Variants in ADARB1 observed in about 807,000 individuals in gnomAD.
ADARB1 encodes adenosine deaminase RNA specific B1.
Under a neutral mutation model 52.4 loss-of-function variants are expected in ADARB1, and 10 were observed. The ratio of observed to expected loss-of-function variants is 0.19; its 90% CI spans 0.12 to 0.32. The LOEUF (loss-of-function observed/expected upper bound fraction) is 0.32. Ranked by LOEUF, ADARB1 falls within the 10% of genes least tolerant of loss-of-function variation. ADARB1 has a pLI of 1.00. For synonymous variants in ADARB1, 349 were observed against 371.1 expected, an observed-to-expected ratio of 0.94 and a Z score of 0.68; for missense variants, 643 against 922.3, an observed-to-expected ratio of 0.70 and a Z score of 3.92.
At chr21:45,123,136 T>C (rs1046041391) in intron 1 of ADARB1, among the ~76,000 whole-genome samples, 1 of 152,160 alleles carries the variant, frequency 6.6e-6, no homozygotes, top group Non-Finnish European at 1.5e-5. Context: ...TGGACACATA[T>C]ATAAGAGAAT....
intron 2 of ADARB1, among the ~76,000 whole-genome samples, chr21:45,136,771 C>T (rs1229964877): frequency 6.6e-6 from 1 of 152,230 alleles, no homozygotes; most frequent in Non-Finnish European, 1.5e-5. Context: ...GGGAGAATCC[C>T]GCCCCCAGCT....
chr21:45,128,675 A>G lies in ADARB1; in HGVS notation c.-48+102A>G, dbSNP rs1056429987. ...AAGCCTTTTGGCTTGCCTTTGAAAG[A>G]TGCTTTATTGAATACTTCCCGGCAC... On this transcript the variant is annotated intron_variant, in intron 2 of 10. Transcript: ENST00000348831. The surrounding 1 kb of genome is among the most constrained non-coding windows in gnomAD (Gnocchi z 4.6). The G allele has an allele frequency of 6.6e-6, 1 of 152,258 alleles. No individual in the cohort carries two copies. The highest frequency in any genetic ancestry group is 2.4e-5 in the African/African-American group (1 of 41,456). The allele number at this position is 152,258 out of a possible 1,614,324, so 9.4% of individuals were successfully genotyped here. A position where few individuals can be genotyped will look rare whatever the true frequency, so the allele number is the denominator to read the frequency against.
intron 1 of ADARB1, among the ~76,000 whole-genome samples, chr21:45,095,305 C>T (rs563562691): frequency 3.9e-5 from 6 of 152,256 alleles, no homozygotes; most frequent in Non-Finnish European, 8.8e-5. Flanking sequence ...CGGCCTTTGC[C>T]GTGAGCTCTG....
chr21:45,094,010 C>T (rs1483287150), intron 1 of ADARB1, among the ~76,000 whole-genome samples: 1 of 152,136 alleles, frequency 6.6e-6, no homozygotes, highest in Non-Finnish European at 1.5e-5. Flanking sequence ...AATTATTTGT[C>T]TGCCCATCCT....
At chr21:45,116,655 CA>C (rs1470329265) in intron 1 of ADARB1, among the ~76,000 whole-genome samples, 10 of 152,190 alleles carry the variant, frequency 6.6e-5, no homozygotes, top group Non-Finnish European at 1.5e-4. Flanking sequence ...GAAGGGGAAG[CA>C]AACACATCAT....
Position 45,222,972 on chromosome 21 carries a change from C to T in ADARB1, c.*775C>T. The T allele has an allele frequency of 1.0e-6, 1 of 985,258 alleles. No homozygotes were observed. The allele number at this position is 985,258 out of a possible 1,614,324, so 61.0% of individuals were successfully genotyped here. A position where few individuals can be genotyped will look rare whatever the true frequency, so the allele number is the denominator to read the frequency against. ...TAGGATCAGATCATGGAAAACTTTT[C>T]TCAGTTTACTTCTAAGTAATCACAG... On this transcript the variant is annotated 3_prime_UTR_variant, in exon 11 of 11. Coordinates refer to ENST00000348831, the MANE Select transcript of ADARB1 (RefSeq NM_001112.4).
chr21:45,168,480 G>A (rs2091343887), intron 2 of ADARB1, among the ~76,000 whole-genome samples: 1 of 152,186 alleles, frequency 6.6e-6, no homozygotes, highest in Non-Finnish European at 1.5e-5. Context: ...TCTATTTTGA[G>A]TTAAGTTTTG....
intron 4 of ADARB1, among the ~76,000 whole-genome samples, chr21:45,178,529 G>A (rs2091795694): frequency 6.6e-6 from 1 of 152,230 alleles, no homozygotes; most frequent in Non-Finnish European, 1.5e-5. Flanking sequence ...CGTGTTCCTT[G>A]TAGGACCCGG....
intron 1 of ADARB1, among the ~76,000 whole-genome samples, chr21:45,085,624 T>C (rs1200412680): frequency 1.3e-5 from 2 of 152,208 alleles, no homozygotes; most frequent in Admixed American, 1.3e-4. Flanking sequence ...CAGAGCAGGG[T>C]TAAAAGTGAC....
rs1325611944 is a variant in ADARB1 at position 45,123,530 on chromosome 21, CTT to C, written c.-219-4871_-219-4870del. Among the ~76,000 whole-genome samples, 4 of 152,218 alleles carry C rather than the reference CTT, an allele frequency of 2.6e-5. No individual in the cohort carries two copies. In the South Asian group the frequency reaches 8.3e-4, roughly 31 times the overall value. ...GTGTTGCCCAGGCTGTTCTTGAACTCTTGGGCTCAAGCGATCCTTCCGCCTCT... is the reference window on the plus strand; with the variant it reads ...GTGTTGCCCAGGCTGTTCTTGAACTCGGGCTCAAGCGATCCTTCCGCCTCT... On this transcript the variant is annotated intron_variant, in intron 1 of 10. Coordinates refer to ENST00000348831, the MANE Select transcript of ADARB1 (RefSeq NM_001112.4).
At position 45,225,530 on chromosome 21, in the gene ADARB1, CT is replaced by C; in HGVS notation, c.*3335del. ...TTTCTTTGTGAAGACAGTGTCTCTCCTTGTAATCTCACACAGGTACACTGAG... is the reference window on the plus strand; with the variant it reads ...TTTCTTTGTGAAGACAGTGTCTCTCCTGTAATCTCACACAGGTACACTGAG... On this transcript the variant is annotated 3_prime_UTR_variant, in exon 11 of 11. Transcript: ENST00000348831. 1 of 1,332,800 alleles carries C rather than the reference CT, an allele frequency of 7.5e-7. No homozygotes were observed. 82.6% of individuals were successfully genotyped at this position (1,332,800 alleles called of 1,614,324 possible). A position where few individuals can be genotyped will look rare whatever the true frequency, so the allele number is the denominator to read the frequency against.
rs2091542204 is a variant in ADARB1, at chr21:45,172,821, T to A, written c.28+1137T>A. On this transcript the variant is annotated intron_variant, in intron 3 of 10. Transcript: ENST00000348831. This position sits in a 1 kb window ranked among gnomAD's most constrained non-coding sequence, Gnocchi z 4.4. ...GTTGTGTGCGCAGCCCGTGCCTGCCTGCTGGTGATTGTTTTTTTCAGGTTT... is the reference window on the plus strand; with the variant it reads ...GTTGTGTGCGCAGCCCGTGCCTGCCAGCTGGTGATTGTTTTTTTCAGGTTT... Among the ~76,000 whole-genome samples the A allele has an allele frequency of 6.6e-6, 1 of 152,230 alleles. No homozygotes were observed. The highest frequency in any genetic ancestry group is 6.5e-5 in the Admixed American group (1 of 15,288).
intron 8 of ADARB1, among the ~76,000 whole-genome samples, chr21:45,190,491 CTA>C (rs938214474): frequency 2.0e-5 from 3 of 152,054 alleles, no homozygotes; most frequent in Non-Finnish European, 4.4e-5. Context: ...TTTGGTTGGG[CTA>C]TGTTTTCCTG....
In ADARB1 at chr21:45,154,984, T is replaced by A. The variant is rs543558370; in HGVS notation, c.-47-16626T>A. Among the ~76,000 whole-genome samples, 5 of 152,282 alleles carry A rather than the reference T, an allele frequency of 3.3e-5. No individual in the cohort carries two copies. The South Asian group carries it at 1.0e-3, about 32-fold the overall frequency. On this transcript the variant is annotated intron_variant, in intron 2 of 10. Coordinates refer to ENST00000348831, the MANE Select transcript of ADARB1 (RefSeq NM_001112.4). ...CATGACCAGTGGGAGGGGAGAGAGA[T>A]GGGAACAAAGAGGCAGTCCTTCAGT... is the stretch of plus-strand genomic sequence containing the variant.
In ADARB1 at chr21:45,189,541, T is replaced by G. The variant is rs191279203; in HGVS notation, c.1565+4450T>G. ...GCCTCCCTTTACAGGAGAACCTTAT[T>G]TTTCCATACAGCTTAATGTTGCTAT... is the stretch of plus-strand genomic sequence containing the variant. On this transcript the variant is annotated intron_variant, in intron 8 of 10. Coordinates refer to ENST00000348831, the MANE Select transcript of ADARB1 (RefSeq NM_001112.4). 2.5e-4 allele frequency among the ~76,000 whole-genome samples: 38 copies of G among 152,334 alleles called. No individual in the cohort carries two copies. In the East Asian group the frequency reaches 5.4e-3, roughly 22 times the overall value.
rs1462270040 is a variant in ADARB1 at position 45,133,950 on chromosome 21, G to A, written c.-48+5377G>A. ...GTGCGCCCGACGGGGGTGTGTGCCC[G>A]ACAGTGGTGTGTGCGCCCGACGGGG... On this transcript the variant is annotated intron_variant, in intron 2 of 10. Transcript: ENST00000348831. Among the ~76,000 whole-genome samples, 11 of 109,754 alleles carry A rather than the reference G, an allele frequency of 1.0e-4. No homozygotes were observed. The East Asian group carries it at 3.0e-3, about 30-fold the overall frequency. The allele number at this position is 109,754 out of a possible 152,430, so 72.0% of individuals were successfully genotyped here.
chr21:45,194,569 C>T (rs1256246422), intron 8 of ADARB1, among the ~76,000 whole-genome samples: 1 of 151,860 alleles, frequency 6.6e-6, no homozygotes, highest in Non-Finnish European at 1.5e-5. Context: ...ACCTCCTAAC[C>T]TCTGTACTCT....
chr21:45,140,176 C>T (rs567743902), intron 2 of ADARB1, among the ~76,000 whole-genome samples: 1 of 152,136 alleles, frequency 6.6e-6, no homozygotes, highest in East Asian at 1.9e-4. Flanking sequence ...CTCCTGACCT[C>T]GGGTGATCCA....
intron 9 of ADARB1, among the ~76,000 whole-genome samples, chr21:45,215,221 A>AATTTTTTAT (rs1437173185): frequency 6.6e-6 from 1 of 151,668 alleles, no homozygotes; most frequent in African/African-American, 2.4e-5. Context: ...TTCATTTTTA[A>AATTTTTTAT]ATTTTTTATA....
Sources: allele counts gnomAD v4.1 joint callset (sites outside exome capture counted in the v4.1 genomes callset), GRCh38; gene constraint gnomAD v4.1.1; non-coding constraint Gnocchi (gnomAD v3.1); transcripts MANE v1.5; gene names NCBI Gene and HGNC (gene_info 2026-07-23, HGNC 2026-07-21).